KCNMA1: variants seen among roughly 807,000 people sequenced by gnomAD.
KCNMA1 encodes the protein potassium calcium-activated channel subfamily M alpha 1, also known as Calcium-activated potassium channel subunit alpha-1.
Under a neutral mutation model 140.0 loss-of-function variants are expected in KCNMA1, and 29 were observed. The observed-to-expected ratio is 0.21, with a 90% CI of 0.15 to 0.28. The LOEUF is 0.28. KCNMA1 is among the 10% of genes least tolerant of loss of function. The probability of loss-of-function intolerance (pLI) is 1.00; values close to 1 mark genes in which losing one functional copy is unlikely to be tolerated. For synonymous variants in KCNMA1, 612 were observed against 611.9 expected (o/e 1.00, Z 0.00); for missense variants, 880 against 1,602.2 (o/e 0.55, Z 7.70).
In KCNMA1 at chr10:77,458,064, A is replaced by G. The variant is rs115527897; in HGVS notation, c.379-54041T>C. On this transcript the variant is annotated intron_variant, in intron 1 of 27. Coordinates refer to ENST00000286628, the MANE Select transcript of KCNMA1 (RefSeq NM_001161352.2). ...ACTTGGGAGCTCACGCTAGCTACTA[A>G]GTCCTCCCTGCCAAAAAGACCCGAT... Among the ~76,000 whole-genome samples, 294 of 152,290 alleles carry G rather than the reference A, an allele frequency of 1.9e-3. 2 individuals carry two copies. The highest frequency in any genetic ancestry group is 0.018 in the East Asian group (94 of 5,168).
At chr10:77,056,715 A>G (rs1340326459) in intron 14 of KCNMA1, among the ~76,000 whole-genome samples, 2 of 152,192 alleles carry the variant, frequency 1.3e-5, no homozygotes, top group Non-Finnish European at 2.9e-5. Flanking sequence ...GGGATGCATA[A>G]TTTAAAAATC....
At chr10:77,583,854 T>C (rs558886875) in intron 1 of KCNMA1, among the ~76,000 whole-genome samples, 1 of 152,324 alleles carries the variant, frequency 6.6e-6, no homozygotes, top group Admixed American at 6.5e-5. Context: ...CCCCAAGTCC[T>C]GATCACTACT....
chr10:76,995,898 TC>T (rs576740487), intron 19 of KCNMA1, among the ~76,000 whole-genome samples: 31 of 152,168 alleles, frequency 2.0e-4, no homozygotes, highest in Non-Finnish European at 3.8e-4. Context: ...CCTGTCAGCT[TC>T]CCTCATTCTG....
chr10:77,012,101 T>C (rs1247980823), intron 17 of KCNMA1, 58 bp from the exon 18 acceptor site: 2 of 1,609,554 alleles, frequency 1.2e-6, no homozygotes, highest in East Asian at 2.2e-5. Context: ...ATGAAATGAG[T>C]ACCACATTTC....
chr10:76,875,352 G>C (rs138026981), downstream of KCNMA1: 1 of 152,164 alleles, frequency 6.6e-6, no homozygotes, highest in African/African-American at 2.4e-5. Flanking sequence ...GTTTTTTTGG[G>C]GGGGAGGTGC....
At position 77,427,442 on chromosome 10, in the gene KCNMA1, A is replaced by G. The variant is rs1274679999; in HGVS notation, c.379-23419T>C. ...AGGGGGCACTATCAATATGCACCAC[A>G]GAGGGTGTTAGCTGAGATGTGGAGA... On this transcript the variant is annotated intron_variant, in intron 1 of 27. Transcript: ENST00000286628. 2.6e-5 allele frequency among the ~76,000 whole-genome samples: 4 copies of G among 152,216 alleles called. No homozygotes were observed. The East Asian group carries it at 5.8e-4, about 22-fold the overall frequency.
At chr10:77,298,664 C>T (rs2075830442) in intron 2 of KCNMA1, among the ~76,000 whole-genome samples, 1 of 152,134 alleles carries the variant, frequency 6.6e-6, no homozygotes, top group South Asian at 2.1e-4. Context: ...GAGTTTAGGT[C>T]CTACCACATT....
intron 1 of KCNMA1, among the ~76,000 whole-genome samples, chr10:77,554,597 C>CAAAAAAAAAAAAAAAAAAAAAAAAAAAA (rs59754706): frequency 8.3e-5 from 7 of 84,086 alleles, no homozygotes; most frequent in African/African-American, 8.7e-5. Flanking sequence ...TACTCCATCT[C>CAAAAAAAAAAAAAAAAAAAAAAAAAAAA]AAAAAAAAAA....
At chr10:77,080,568 C>T (rs952083183) in intron 12 of KCNMA1, among the ~76,000 whole-genome samples, 9 of 152,142 alleles carry the variant, frequency 5.9e-5, no homozygotes, top group African/African-American at 2.2e-4. Context: ...AACAAAATCA[C>T]AAAACAGCCA....
chr10:77,292,124 T>C (rs2073475227), intron 2 of KCNMA1, among the ~76,000 whole-genome samples: 1 of 152,184 alleles, frequency 6.6e-6, no homozygotes. Flanking sequence ...AAGAGGGTTA[T>C]TTCCAGAGAT....
chr10:76,883,676 A>G (rs997293482), downstream of KCNMA1, among the ~76,000 whole-genome samples: 2 of 149,232 alleles, frequency 1.3e-5, no homozygotes, highest in Admixed American at 6.7e-5. Flanking sequence ...TTAAATGTAT[A>G]TACTTTATTT....
intron 2 of KCNMA1, among the ~76,000 whole-genome samples, chr10:77,335,880 C>T (rs894375271): frequency 1.3e-5 from 2 of 152,158 alleles, no homozygotes; most frequent in Admixed American, 1.3e-4. Context: ...GACCCATGCT[C>T]CTCACTTCAT....
At chr10:77,241,449 G>A (rs2057246378) in intron 3 of KCNMA1, among the ~76,000 whole-genome samples, 1 of 151,798 alleles carries the variant, frequency 6.6e-6, no homozygotes, top group Non-Finnish European at 1.5e-5. Context: ...CTTAAAACCA[G>A]TCTGGGCAAC....
intron 14 of KCNMA1, among the ~76,000 whole-genome samples, chr10:77,065,277 T>A (rs2095887429): frequency 6.6e-6 from 1 of 151,264 alleles, no homozygotes; most frequent in African/African-American, 2.4e-5. Context: ...GCCAAGAGAG[T>A]AAATAAGGAT....
At chr10:77,531,454 C>G (rs1160366788) in intron 1 of KCNMA1, among the ~76,000 whole-genome samples, 1 of 152,204 alleles carries the variant, frequency 6.6e-6, no homozygotes, top group Non-Finnish European at 1.5e-5. Context: ...TCACCCACGC[C>G]AGCAAGGTCA....
intron 1 of KCNMA1, among the ~76,000 whole-genome samples, chr10:77,445,697 C>T (rs910939595): frequency 3.3e-5 from 5 of 152,150 alleles, no homozygotes; most frequent in Admixed American, 6.5e-5. Context: ...ACTGGCTTCT[C>T]GAATGCTGAT....
intron 23 of KCNMA1, among the ~76,000 whole-genome samples, chr10:76,940,038 A>T (rs1431089667): frequency 6.6e-6 from 1 of 152,238 alleles, no homozygotes; most frequent in Non-Finnish European, 1.5e-5. Flanking sequence ...AGAGCTGTAA[A>T]GTGGTTCTGA....
chr10:77,454,093 T>C (rs779350559), intron 1 of KCNMA1, among the ~76,000 whole-genome samples: 1 of 152,202 alleles, frequency 6.6e-6, no homozygotes, highest in Admixed American at 6.5e-5. Flanking sequence ...GAATGTTTTA[T>C]AGGAGTACTA....
At chr10:77,585,192 G>A (rs2076932811) in intron 1 of KCNMA1, among the ~76,000 whole-genome samples, 1 of 152,138 alleles carries the variant, frequency 6.6e-6, no homozygotes, top group Non-Finnish European at 1.5e-5. Context: ...TCAGACTATC[G>A]GGGGAGGTGA....
Sources: gnomAD v4.1 joint callset for allele counts (sites outside exome capture counted in the v4.1 genomes callset) on GRCh38, gnomAD v4.1.1 for gene constraint, MANE v1.5 for transcripts, NCBI Gene and HGNC (gene_info 2026-07-23, HGNC 2026-07-21) for gene names.